RGS6: variants seen among roughly 807,000 people sequenced by gnomAD.
RGS6 encodes the protein regulator of G protein signaling 6.
RGS6 carries 30 observed loss-of-function variants against 78.5 expected under a neutral mutation model. The observed-to-expected ratio is 0.38, with a 90% CI of 0.29 to 0.52. The LOEUF (loss-of-function observed/expected upper bound fraction) is 0.52, where lower values mean the gene tolerates loss of function less well. Ranked by LOEUF, RGS6 falls within the 20% of genes least tolerant of loss-of-function variation. RGS6 has a pLI of 0.85. For synonymous variants in RGS6, 206 were observed against 206.0 expected (o/e 1.00, Z 0.00); for missense variants, 495 against 609.7 (o/e 0.81, Z 1.98).
At chr14:72,034,966 T>G (rs1233292768) in intron 2 of RGS6, among the ~76,000 whole-genome samples, 1 of 152,172 alleles carries the variant, frequency 6.6e-6, no homozygotes, top group African/African-American at 2.4e-5. Flanking sequence ...TTAAATTGCA[T>G]GTCATTCTGA....
intron 15 of RGS6, among the ~76,000 whole-genome samples, chr14:72,525,858 T>C (rs560642475): frequency 6.6e-6 from 1 of 152,316 alleles, no homozygotes; most frequent in South Asian, 2.1e-4. Flanking sequence ...GGGTTGCTCA[T>C]TTTATCCTGT....
chr14:72,372,968 G>A (rs1293011175), intron 3 of RGS6, among the ~76,000 whole-genome samples: 1 of 152,172 alleles, frequency 6.6e-6, no homozygotes, highest in African/African-American at 2.4e-5. Flanking sequence ...CCATATTGTA[G>A]TGTGATGCTT....
intron 3 of RGS6, among the ~76,000 whole-genome samples, chr14:72,423,417 A>G (rs2094292991): frequency 6.6e-6 from 1 of 152,128 alleles, no homozygotes; most frequent in Non-Finnish European, 1.5e-5. Context: ...ATAATTGTTA[A>G]CAATGTATTC....
At chr14:71,875,810 C>T in the RGS6 span, among the ~76,000 whole-genome samples, 1 of 152,208 alleles carries the variant, frequency 6.6e-6, no homozygotes, top group Non-Finnish European at 1.5e-5. Context: ...CTACACACTG[C>T]TTTAAATGTG....
chr14:72,270,243 C>G (rs952295288), intron 2 of RGS6, among the ~76,000 whole-genome samples: 1 of 142,076 alleles, frequency 7.0e-6, no homozygotes, highest in Admixed American at 7.3e-5. Flanking sequence ...TCTTCTGGCA[C>G]TCAGCCATGG....
chr14:72,065,641 A>T (rs1390934708), intron 2 of RGS6, among the ~76,000 whole-genome samples: 1 of 152,190 alleles, frequency 6.6e-6, no homozygotes, highest in African/African-American at 2.4e-5. Flanking sequence ...TTAATAAAAG[A>T]TGTTTCTTTA....
At chr14:71,884,433 A>G in the RGS6 span, among the ~76,000 whole-genome samples, 3 of 152,216 alleles carry the variant, frequency 2.0e-5, no homozygotes, top group Non-Finnish European at 4.4e-5. Context: ...GTTGGGGGGT[A>G]TAGAGGTTTT....
At chr14:72,612,733 G>A in the RGS6 span, 5 of 415,530 alleles carry the variant, frequency 1.2e-5, no homozygotes, top group Admixed American at 2.8e-5. Flanking sequence ...TGAGACTTTT[G>A]AAGTACCCAA....
intron 2 of RGS6, among the ~76,000 whole-genome samples, chr14:72,189,908 G>T (rs2097300898): frequency 6.6e-6 from 1 of 152,000 alleles, no homozygotes; most frequent in African/African-American, 2.4e-5. Flanking sequence ...TGGGATATAG[G>T]GCCTCGTTCA....
At chr14:72,247,272 C>G (rs530295407) in intron 2 of RGS6, among the ~76,000 whole-genome samples, 2 of 152,146 alleles carry the variant, frequency 1.3e-5, no homozygotes, top group Non-Finnish European at 2.9e-5. Flanking sequence ...TGGGGTTAGC[C>G]TTATATTTCT....
At chr14:71,964,124 T>G (rs968775932) in intron 1 of RGS6, among the ~76,000 whole-genome samples, 38 of 152,192 alleles carry the variant, frequency 2.5e-4, no homozygotes, top group African/African-American at 9.2e-4. Flanking sequence ...TATTCATATT[T>G]TAATGCATAG....
chr14:72,404,621 C>G (rs776070436), intron 3 of RGS6, among the ~76,000 whole-genome samples: 12 of 152,246 alleles, frequency 7.9e-5, no homozygotes, highest in Non-Finnish European at 1.0e-4. Context: ...GACAGAATTT[C>G]AAAAGATTTC....
intron 2 of RGS6, among the ~76,000 whole-genome samples, chr14:72,287,262 G>A (rs1282519104): frequency 6.6e-6 from 1 of 152,180 alleles, no homozygotes; most frequent in Non-Finnish European, 1.5e-5. Context: ...TCTGCAAACA[G>A]AGATATTCTT....
chr14:72,391,485 G>A (rs56952832), intron 3 of RGS6, among the ~76,000 whole-genome samples: 17,479 of 152,132 alleles, frequency 0.11, 1,426 homozygotes, highest in African/African-American at 0.23. Context: ...TGACAGATCC[G>A]GATAGATCAC....
At chr14:72,550,960 C>T (rs191389266) in intron 17 of RGS6, among the ~76,000 whole-genome samples, 8 of 152,228 alleles carry the variant, frequency 5.3e-5, no homozygotes, top group Non-Finnish European at 1.0e-4. Context: ...CTGCCTCAGC[C>T]TCCTGAGTAG....
intron 2 of RGS6, among the ~76,000 whole-genome samples, chr14:72,143,003 T>C (rs2096560953): frequency 6.6e-6 from 1 of 152,056 alleles, no homozygotes. Flanking sequence ...ATTGTGCAAG[T>C]GGGTAGCAGG....
At chr14:72,131,909 G>A (rs1287185402) in intron 2 of RGS6, among the ~76,000 whole-genome samples, 1 of 152,178 alleles carries the variant, frequency 6.6e-6, no homozygotes, top group African/African-American at 2.4e-5. Context: ...TTGAATTGTG[G>A]TTATACTGTC....
At chr14:71,936,877 C>T (rs1182075482) in intron 1 of RGS6, among the ~76,000 whole-genome samples, 1 of 152,210 alleles carries the variant, frequency 6.6e-6, no homozygotes, top group Admixed American at 6.5e-5. Context: ...TTGATGACTA[C>T]CTTCTTCTAC....
chr14:72,549,789 G>A (rs1406999623), intron 17 of RGS6, among the ~76,000 whole-genome samples: 1 of 152,214 alleles, frequency 6.6e-6, no homozygotes, highest in Non-Finnish European at 1.5e-5. Flanking sequence ...TAGAACAAGG[G>A]AGGCGGAGGT....
Sources: gnomAD v4.1 joint callset for allele counts (sites outside exome capture counted in the v4.1 genomes callset) on GRCh38, gnomAD v4.1.1 for gene constraint, MANE v1.5 for transcripts, NCBI Gene and HGNC (gene_info 2026-07-23, HGNC 2026-07-21) for gene names.